Variants in NRXN2 observed in about 807,000 individuals in gnomAD.
NRXN2 encodes the protein neurexin-2-beta.
In NRXN2, 29 loss-of-function variants were observed where a neutral mutation model predicts 128.8. The ratio of observed to expected loss-of-function variants is 0.23; its 90% CI spans 0.17 to 0.31. The LOEUF (loss-of-function observed/expected upper bound fraction) is 0.31, where lower values mean the gene tolerates loss of function less well. NRXN2 is among the 10% of genes least tolerant of loss of function. The pLI, the probability that NRXN2 is intolerant of heterozygous loss-of-function variation, is 1.00. For missense variants in NRXN2, 1,881 were observed against 2,452.6 expected (o/e 0.77, Z 4.92); for synonymous variants, 1,098 against 1,075.2 (o/e 1.02, Z -0.41).
chr11:64,638,522 G>A (rs956120634), intron 17 of NRXN2, among the ~76,000 whole-genome samples: 3 of 152,142 alleles, frequency 2.0e-5, no homozygotes, highest in Non-Finnish European at 4.4e-5. Flanking sequence ...AGCTGTCCTC[G>A]GCCCTGCCCA....
Position 64,606,986 on chromosome 11 carries a change from C to A in NRXN2, c.*210G>T. 3.4e-6 allele frequency: 2 copies of A among 592,004 alleles called. No individual in the cohort carries two copies. Among genetic ancestry groups the A allele is most frequent in the Non-Finnish European group, 3.0e-6 (1 of 334,922 alleles). 36.7% of individuals were successfully genotyped at this position (592,004 alleles called of 1,614,324 possible). A position where few individuals can be genotyped will look rare whatever the true frequency, so the allele number is the denominator to read the frequency against. Reference sequence around the variant, plus strand: ...GCGCAGAGCTGAGAGGGACAGTCAGCCCCGGGACTGACGAGGCCGCGCAGT... The same window carrying A: ...GCGCAGAGCTGAGAGGGACAGTCAGACCCGGGACTGACGAGGCCGCGCAGT... On this transcript the variant is annotated 3_prime_UTR_variant, in exon 23 of 23. Transcript: ENST00000265459.
At chr11:64,664,833 T>C (rs1455265276) in intron 9 of NRXN2, among the ~76,000 whole-genome samples, 2 of 150,864 alleles carry the variant, frequency 1.3e-5, no homozygotes, top group Non-Finnish European at 2.9e-5. Context: ...CCACTAAAAA[T>C]ACAAAAATTA....
intron 3 of NRXN2, among the ~76,000 whole-genome samples, chr11:64,695,720 A>G (rs1282169356): frequency 1.3e-5 from 2 of 151,922 alleles, no homozygotes; most frequent in Non-Finnish European, 2.9e-5. Flanking sequence ...AGGTGTGTAT[A>G]CACACACGCG....
Position 64,660,781 on chromosome 11 carries a change from G to A in NRXN2, c.2157C>T (p.Thr719=), listed in dbSNP as rs201018694. Residue 719 remains threonine, a synonymous_variant, in exon 10 of 23, where the codon ACC becomes ACT. Coordinates refer to ENST00000265459, the MANE Select transcript of NRXN2 (RefSeq NM_015080.4). The surrounding 1 kb of genome is among the most constrained non-coding windows in gnomAD (Gnocchi z 5.2). ...TCTCACAGACCCGCCCAAGAAAGCC[G>A]GTCCCGATGCAGTCACAGATGAAGC... The part of the protein sequence containing the change: ...WNRFICDCIG[T]GFLGRVCERE... 2.5e-5 allele frequency: 41 copies of A among 1,613,222 alleles called. No homozygotes were observed. The highest frequency in any genetic ancestry group is 1.6e-4 in the African/African-American group (12 of 74,906).
rs1326821115 is a variant in NRXN2, at chr11:64,620,582, G to A, written c.4174-210C>T. 1.3e-5 allele frequency among the ~76,000 whole-genome samples: 2 copies of A among 151,750 alleles called. 1 individual carries two copies. Among genetic ancestry groups the A allele is most frequent in the East Asian group, 3.9e-4 (2 of 5,172 alleles). ...CAGGGAACTCCCCAGCAACAGCCCT[G>A]CAGGTTTTCATGGCTTCCGAAGGTC... On this transcript the variant is annotated intron_variant, in intron 21 of 22. Transcript: ENST00000265459.
Position 64,704,623 on chromosome 11 carries a change from C to CACAGAGAG in NRXN2, c.731-6832_731-6831insCTCTCTGT, listed in dbSNP as rs1336665936. ...TCACACACACACACACACACACACACAGAGAGAGAGAGAGAGAGAGAGAGA... is the reference window on the plus strand; with the variant it reads ...TCACACACACACACACACACACACACACAGAGAGAGAGAGAGAGAGAGAGAGAGAGAGA... On this transcript the variant is annotated intron_variant, in intron 2 of 22. Transcript: ENST00000265459. Among the ~76,000 whole-genome samples, 178 of 81,214 alleles carry CACAGAGAG rather than the reference C, an allele frequency of 2.2e-3. 5 individuals are homozygous for CACAGAGAG. Among genetic ancestry groups the CACAGAGAG allele is most frequent in the Middle Eastern group, 8.8e-3 (1 of 114 alleles). 53.3% of individuals were successfully genotyped at this position (81,214 alleles called of 152,430 possible).
chr11:64,720,375 C>T lies in NRXN2; in HGVS notation c.-245+2596G>A, dbSNP rs147986389. ...TGTGAGGACACACAATCGGGGCATC[C>T]CCGTGGGGGCTGGGCTTGGGAGCTG... On this transcript the variant is annotated intron_variant, in intron 1 of 22. Transcript: ENST00000265459. Among the ~76,000 whole-genome samples the T allele has an allele frequency of 9.6e-3, 1,463 of 152,250 alleles. 13 individuals are homozygous for T. The highest frequency in any genetic ancestry group is 0.021 in the South Asian group (100 of 4,822).
intron 22 of NRXN2, among the ~76,000 whole-genome samples, chr11:64,613,363 A>AG: frequency 6.6e-6 from 1 of 152,244 alleles, no homozygotes; most frequent in Non-Finnish European, 1.5e-5. Flanking sequence ...AGTGCACCAC[A>AG]GGCATCTGAG....
rs1022277446 is a variant in NRXN2 at position 64,714,293 on chromosome 11, G to A, written c.-244-350C>T. On this transcript the variant is annotated intron_variant, in intron 1 of 22. Transcript: ENST00000265459. This position sits in a 1 kb window ranked among gnomAD's most constrained non-coding sequence, Gnocchi z 4.5. ...GGCCAGCTCCTTGAGCGAGGCCTGG[G>A]AACTCTCCTCCGCCTGGTGACCCCA... Among the ~76,000 whole-genome samples the A allele has an allele frequency of 6.6e-6, 1 of 152,062 alleles. No homozygotes were observed. Among genetic ancestry groups the A allele is most frequent in the Non-Finnish European group, 1.5e-5 (1 of 68,000 alleles).
chr11:64,639,388 C>A (rs1353339665), intron 17 of NRXN2, among the ~76,000 whole-genome samples: 2 of 152,126 alleles, frequency 1.3e-5, no homozygotes, highest in Non-Finnish European at 2.9e-5. Flanking sequence ...TAAATGCTAG[C>A]CCCCTTTATA....
intron 19 of NRXN2, among the ~76,000 whole-genome samples, chr11:64,628,328 C>T (rs527408871): frequency 6.6e-6 from 1 of 152,270 alleles, no homozygotes; most frequent in Admixed American, 6.5e-5. Flanking sequence ...GTTCTTCTGA[C>T]TCAGAATCCA....
At chr11:64,701,987 G>A (rs1469055601) in intron 2 of NRXN2, among the ~76,000 whole-genome samples, 18 of 145,066 alleles carry the variant, frequency 1.2e-4, no homozygotes, top group East Asian at 6.3e-4. Flanking sequence ...CAGCTGCCCC[G>A]TCCGGGAGGG....
chr11:64,623,169 G>A lies in NRXN2; in HGVS notation c.3848-91C>T. On this transcript the variant is annotated intron_variant, in intron 20 of 22. Transcript: ENST00000265459. This position sits in a 1 kb window ranked among gnomAD's most constrained non-coding sequence, Gnocchi z 4.9. ...AAGAAAAGAAGGAAGCCAAGGAGAG[G>A]AAAGAGGAATGGAGGAGAAAGCCAG... 6.7e-7 allele frequency: 1 copy of A among 1,492,594 alleles called. No individual in the cohort carries two copies. The highest frequency in any genetic ancestry group is 8.9e-7 in the Non-Finnish European group (1 of 1,118,788). 92.5% of individuals were successfully genotyped at this position (1,492,594 alleles called of 1,614,324 possible). A position where few individuals can be genotyped will look rare whatever the true frequency, so the allele number is the denominator to read the frequency against.
rs965811764 is a variant in NRXN2, at chr11:64,660,153, G to A, written c.2389+179C>T. 1.3e-5 allele frequency among the ~76,000 whole-genome samples: 2 copies of A among 152,182 alleles called. No homozygotes were observed. Among genetic ancestry groups the A allele is most frequent in the Admixed American group, 1.3e-4 (2 of 15,290 alleles). ...AGCATGGAATGTCGCCCTACACTGT[G>A]CGTCCTCACCAGGGACAGAGCTCTC... On this transcript the variant is annotated intron_variant, in intron 11 of 22. Transcript: ENST00000265459. The surrounding 1 kb of genome is among the most constrained non-coding windows in gnomAD (Gnocchi z 5.2).
chr11:64,635,673 C>T lies in NRXN2; in HGVS notation c.3404-221G>A, dbSNP rs2044599388. 6.6e-6 allele frequency among the ~76,000 whole-genome samples: 1 copy of T among 152,096 alleles called. No individual in the cohort carries two copies. Among genetic ancestry groups the T allele is most frequent in the African/African-American group, 2.4e-5 (1 of 41,392 alleles). On this transcript the variant is annotated intron_variant, in intron 17 of 22. Transcript: ENST00000265459. This position sits in a 1 kb window ranked among gnomAD's most constrained non-coding sequence, Gnocchi z 4.8. Reference sequence around the variant, plus strand: ...CGCGCACAGACAGATGTAGCTGCCTCATCAAGAATGCTAGCTTTAATTACA... The same window carrying T: ...CGCGCACAGACAGATGTAGCTGCCTTATCAAGAATGCTAGCTTTAATTACA...
chr11:64,623,035 G>A lies in NRXN2; in HGVS notation c.3891C>T (p.Ile1297=), dbSNP rs777224935. ...TIFNSQAAIK[I]GGRDQGRPFQ... ...AGGGGCGGCCCTGATCCCGGCCCCC[G>A]ATCTTGATGGCAGCCTGGCTGTTGA... Residue 1297 remains isoleucine (I), a synonymous_variant, in exon 21 of 23, where the codon ATC becomes ATT. Coordinates refer to ENST00000265459, the MANE Select transcript of NRXN2 (RefSeq NM_015080.4). This position sits in a 1 kb window ranked among gnomAD's most constrained non-coding sequence, Gnocchi z 4.9. 6.0e-5 allele frequency: 96 copies of A among 1,609,872 alleles called. No homozygotes were observed. Among genetic ancestry groups the A allele is most frequent in the Non-Finnish European group, 7.8e-5 (92 of 1,178,386 alleles).
At chr11:64,614,941 G>A (rs2041245092) in intron 22 of NRXN2, among the ~76,000 whole-genome samples, 1 of 152,220 alleles carries the variant, frequency 6.6e-6, no homozygotes, top group Non-Finnish European at 1.5e-5. Flanking sequence ...GGGGAGGGGT[G>A]GGTGTGTCCT....
In NRXN2 at chr11:64,630,097, T is replaced by C; in HGVS notation, c.3757+305A>G. 6.7e-6 allele frequency among the ~76,000 whole-genome samples: 1 copy of C among 149,566 alleles called. No homozygotes were observed. Among genetic ancestry groups the C allele is most frequent in the East Asian group, 2.0e-4 (1 of 4,998 alleles). ...CTCCTCACCTCTACCCTCCCTCCAC[T>C]TCTCCCCCCACCCCCAAACTGGACC... is the stretch of plus-strand genomic sequence containing the variant. On this transcript the variant is annotated intron_variant, in intron 19 of 22. Transcript: ENST00000265459. This position sits in a 1 kb window ranked among gnomAD's most constrained non-coding sequence, Gnocchi z 4.6.
At chr11:64,666,785 G>A (rs545949422) in intron 9 of NRXN2, among the ~76,000 whole-genome samples, 2 of 151,750 alleles carry the variant, frequency 1.3e-5, no homozygotes, top group Admixed American at 6.6e-5. Flanking sequence ...GGATGGTCTC[G>A]ATCTCCTGAC....
Sources: allele counts gnomAD v4.1 joint callset (sites outside exome capture counted in the v4.1 genomes callset), GRCh38; gene constraint gnomAD v4.1.1; non-coding constraint Gnocchi (gnomAD v3.1); transcripts MANE v1.5; gene names NCBI Gene and HGNC (gene_info 2026-07-23, HGNC 2026-07-21).